EXOC4: variants seen among roughly 807,000 people sequenced by gnomAD.
EXOC4 encodes exocyst complex component 4, also known as SEC8-like 1.
EXOC4 carries 71 observed loss-of-function variants against 107.2 expected under a neutral mutation model. That is an observed-to-expected ratio of 0.66 (90% CI 0.55 to 0.81). The LOEUF (loss-of-function observed/expected upper bound fraction) is 0.81, where lower values mean the gene tolerates loss of function less well. Among genes scored for constraint, EXOC4 ranks in the 30% least tolerant of loss-of-function variants. The pLI, the probability that EXOC4 is intolerant of heterozygous loss-of-function variation, is 0.00. For synonymous variants in EXOC4, 456 were observed against 441.2 expected, an observed-to-expected ratio of 1.03 and a Z score of -0.42; for missense variants, 1,108 against 1,189.6, an observed-to-expected ratio of 0.93 and a Z score of 1.01.
At chr7:133,408,617 AT>A (rs1401337338) in intron 7 of EXOC4, among the ~76,000 whole-genome samples, 1 of 151,876 alleles carries the variant, frequency 6.6e-6, no homozygotes, top group African/African-American at 2.4e-5. Context: ...CTTACTTAGG[AT>A]TTCTTTTGTC....
intron 10 of EXOC4, among the ~76,000 whole-genome samples, chr7:133,792,285 G>A (rs566334125): frequency 7.8e-4 from 118 of 152,134 alleles, no homozygotes; most frequent in African/African-American, 2.7e-3. Flanking sequence ...AAATGAGATG[G>A]CTCACACCTG....
At chr7:133,673,481 G>T (rs190264351) in intron 10 of EXOC4, among the ~76,000 whole-genome samples, 1 of 152,072 alleles carries the variant, frequency 6.6e-6, no homozygotes, top group African/African-American at 2.4e-5. Flanking sequence ...TCATTGTTCC[G>T]GTGTATGCCC....
At chr7:133,265,921 CTG>C (rs1400056213) in intron 1 of EXOC4, among the ~76,000 whole-genome samples, 6 of 152,140 alleles carry the variant, frequency 3.9e-5, no homozygotes, top group Non-Finnish European at 5.9e-5. Flanking sequence ...TGCCAAGAAT[CTG>C]TGTTGCTTCT....
intron 11 of EXOC4, among the ~76,000 whole-genome samples, chr7:133,884,141 C>G (rs1799027094): frequency 6.6e-6 from 1 of 152,140 alleles, no homozygotes; most frequent in Non-Finnish European, 1.5e-5. Flanking sequence ...GTGCCAAACC[C>G]TTGTTAACCT....
At chr7:133,578,559 T>G (rs1222965633) in intron 9 of EXOC4, among the ~76,000 whole-genome samples, 1 of 152,226 alleles carries the variant, frequency 6.6e-6, no homozygotes, top group Non-Finnish European at 1.5e-5. Context: ...GCTCCTTGTA[T>G]TAGCAGGTTA....
the EXOC4 span, among the ~76,000 whole-genome samples, chr7:134,073,205 CAAA>C: frequency 8.9e-5 from 2 of 22,598 alleles, no homozygotes; most frequent in South Asian, 3.8e-3. Context: ...GACTTCCTCT[CAAA>C]AAAAAAAAAA....
chr7:133,488,834 A>G (rs1485977453), intron 9 of EXOC4, among the ~76,000 whole-genome samples: 1 of 151,778 alleles, frequency 6.6e-6, no homozygotes, highest in Non-Finnish European at 1.5e-5. Context: ...CTATACATTG[A>G]GTTGGTTGAA....
At position 133,599,412 on chromosome 7, in the gene EXOC4, G is replaced by A. The variant is rs757376040; in HGVS notation, c.1418-30633G>A. Among the ~76,000 whole-genome samples the A allele has an allele frequency of 3.5e-4, 54 of 152,136 alleles. 3 individuals carry two copies. Among genetic ancestry groups the A allele is most frequent in the Non-Finnish European group, 1.3e-4 (9 of 68,026 alleles). On this transcript the variant is annotated intron_variant, in intron 9 of 17. Transcript: ENST00000253861. ...TGTCTTCTTCTTTCTTTATATTCCTGTATTTCTCTACTTCTTTCACTTTAT... is the reference window on the plus strand; with the variant it reads ...TGTCTTCTTCTTTCTTTATATTCCTATATTTCTCTACTTCTTTCACTTTAT...
chr7:134,025,257 AC>A (rs972463524), intron 17 of EXOC4, among the ~76,000 whole-genome samples: 6 of 152,172 alleles, frequency 3.9e-5, no homozygotes, highest in Admixed American at 6.5e-5. Context: ...GTTTCAACCC[AC>A]ATTGTATCAC....
intron 11 of EXOC4, among the ~76,000 whole-genome samples, chr7:133,881,254 G>A (rs894635038): frequency 4.6e-5 from 7 of 151,682 alleles, no homozygotes; most frequent in Non-Finnish European, 8.8e-5. Context: ...ACCTGATCAC[G>A]CATACATACC....
chr7:133,936,458 T>C (rs1800301927), intron 13 of EXOC4, among the ~76,000 whole-genome samples: 1 of 152,218 alleles, frequency 6.6e-6, no homozygotes, highest in Non-Finnish European at 1.5e-5. Context: ...GAAACTTAAT[T>C]TGGCTTGTTC....
intron 7 of EXOC4, among the ~76,000 whole-genome samples, chr7:133,447,573 G>A (rs943650537): frequency 8.6e-5 from 13 of 151,704 alleles, no homozygotes; most frequent in African/African-American, 2.9e-4. Flanking sequence ...TCAACATATT[G>A]GGAGTACAAA....
intron 10 of EXOC4, among the ~76,000 whole-genome samples, chr7:133,637,616 T>C (rs1438185532): frequency 6.6e-6 from 1 of 152,094 alleles, no homozygotes; most frequent in African/African-American, 2.4e-5. Context: ...CAGCCATTTT[T>C]CCCCCTATGC....
intron 9 of EXOC4, among the ~76,000 whole-genome samples, chr7:133,500,559 G>A (rs1014322917): frequency 6.6e-6 from 1 of 152,130 alleles, no homozygotes; most frequent in Non-Finnish European, 1.5e-5. Context: ...CATTTGGGTT[G>A]TTTCCAGTTT....
chr7:133,665,358 G>T (rs1793788492), intron 10 of EXOC4, among the ~76,000 whole-genome samples: 1 of 152,116 alleles, frequency 6.6e-6, no homozygotes, highest in Non-Finnish European at 1.5e-5. Flanking sequence ...TTCATAAATT[G>T]CTGTAAACAT....
At chr7:133,772,191 A>G (rs141659459) in intron 10 of EXOC4, among the ~76,000 whole-genome samples, 2 of 151,974 alleles carry the variant, frequency 1.3e-5, no homozygotes, top group African/African-American at 4.8e-5. Context: ...TATGTTTCCT[A>G]CTTAGTATGT....
At chr7:133,610,674 A>C (rs936261546) in intron 9 of EXOC4, among the ~76,000 whole-genome samples, 2 of 152,078 alleles carry the variant, frequency 1.3e-5, no homozygotes, top group African/African-American at 4.8e-5. Flanking sequence ...CTTTCCTCTG[A>C]GGATTCAACT....
intron 17 of EXOC4, among the ~76,000 whole-genome samples, chr7:134,062,228 T>C (rs1352950896): frequency 6.6e-6 from 1 of 152,164 alleles, no homozygotes; most frequent in Non-Finnish European, 1.5e-5. Flanking sequence ...TAGAGTATAT[T>C]CACAAAAGAT....
At chr7:133,631,102 T>A (rs1426671208) in intron 10 of EXOC4, among the ~76,000 whole-genome samples, 1 of 152,168 alleles carries the variant, frequency 6.6e-6, no homozygotes, top group Non-Finnish European at 1.5e-5. Flanking sequence ...ATGCACCTTT[T>A]GGGATCCAGA....
Sources: gnomAD v4.1 joint callset for allele counts (sites outside exome capture counted in the v4.1 genomes callset) on GRCh38, gnomAD v4.1.1 for gene constraint, MANE v1.5 for transcripts, NCBI Gene and HGNC (gene_info 2026-07-23, HGNC 2026-07-21) for gene names.